YEATS2: variants seen among roughly 807,000 people sequenced by gnomAD.
YEATS2 encodes the protein YEATS domain containing 2, also known as YEATS domain-containing protein 2.
Under a neutral mutation model 163.2 loss-of-function variants are expected in YEATS2, and 77 were observed. The ratio of observed to expected loss-of-function variants is 0.47; its 90% CI spans 0.39 to 0.57. The LOEUF is 0.57. YEATS2 is among the 20% of genes least tolerant of loss of function. The probability of loss-of-function intolerance (pLI) is 0.00; values close to 1 mark genes in which losing one functional copy is unlikely to be tolerated. For missense variants in YEATS2, 1,549 were observed against 1,729.8 expected (o/e 0.90, Z 1.85); for synonymous variants, 631 against 645.1 (o/e 0.98, Z 0.33).
At chr3:183,698,457 G>A (rs1012525946) in intron 1 of YEATS2, among the ~76,000 whole-genome samples, 1 of 152,206 alleles carries the variant, frequency 6.6e-6, no homozygotes, top group African/African-American at 2.4e-5. Context: ...CAGGGATGGG[G>A]CCGGGGCCAA....
At chr3:183,749,603 G>A (rs1008141746) in intron 9 of YEATS2, among the ~76,000 whole-genome samples, 1 of 152,020 alleles carries the variant, frequency 6.6e-6, no homozygotes, top group Non-Finnish European at 1.5e-5. Flanking sequence ...ATGTTGTAGC[G>A]TATGTCAGAA....
chr3:183,803,155 A>C, intron 25 of YEATS2, 101 bp from the exon 26 acceptor site: 1 of 1,238,552 alleles, frequency 8.1e-7, no homozygotes, highest in Admixed American at 2.0e-5. Context: ...CATACATGCG[A>C]TAAAGAGGTC....
chr3:183,788,368 A>C (rs1314357401), intron 20 of YEATS2, among the ~76,000 whole-genome samples: 1 of 152,020 alleles, frequency 6.6e-6, no homozygotes, highest in African/African-American at 2.4e-5. Flanking sequence ...CAGTTGTTTT[A>C]ATTGTTAGCT....
Position 183,756,469 on chromosome 3 carries a change from C to T in YEATS2, c.1391-59C>T, listed in dbSNP as rs1373485560. The T allele has an allele frequency of 3.5e-6, 5 of 1,444,878 alleles. No individual in the cohort carries two copies. The African/African-American group carries it at 7.2e-5, about 21-fold the overall frequency. 89.5% of individuals were successfully genotyped at this position (1,444,878 alleles called of 1,614,324 possible). A position where few individuals can be genotyped will look rare whatever the true frequency, so the allele number is the denominator to read the frequency against. ...TGACCTTCTTCCTTGTCCTCGACATCTTCTTACGTGAGTTGAATATGTGTA... is the reference window on the plus strand; with the variant it reads ...TGACCTTCTTCCTTGTCCTCGACATTTTCTTACGTGAGTTGAATATGTGTA... On this transcript the variant is annotated intron_variant, in intron 11 of 30. Coordinates refer to ENST00000305135, the MANE Select transcript of YEATS2 (RefSeq NM_018023.5).
chr3:183,755,964 TCGAA>T (rs1199632609), intron 11 of YEATS2, among the ~76,000 whole-genome samples: 2 of 152,076 alleles, frequency 1.3e-5, no homozygotes, highest in Admixed American at 6.6e-5. Flanking sequence ...CAGGCTGGTC[TCGAA>T]CTCACAACCT....
chr3:183,733,363 A>G (rs941740475), intron 7 of YEATS2, among the ~76,000 whole-genome samples: 1 of 152,118 alleles, frequency 6.6e-6, no homozygotes, highest in African/African-American at 2.4e-5. Flanking sequence ...TCTCATCCAT[A>G]TTTGTTTCAG....
At chr3:183,715,588 T>G (rs887254540) in intron 2 of YEATS2, among the ~76,000 whole-genome samples, 4 of 152,208 alleles carry the variant, frequency 2.6e-5, no homozygotes, top group Admixed American at 2.0e-4. Context: ...AGATGGTACA[T>G]GGATTAAGGT....
At chr3:183,744,370 G>A (rs2109229260) in intron 8 of YEATS2, among the ~76,000 whole-genome samples, 1 of 152,032 alleles carries the variant, frequency 6.6e-6, no homozygotes, top group South Asian at 2.1e-4. Context: ...ACCCACCTTG[G>A]CCTCCCAAAG....
chr3:183,805,433 C>G (rs1420492731), intron 27 of YEATS2, among the ~76,000 whole-genome samples: 1 of 151,980 alleles, frequency 6.6e-6, no homozygotes, highest in Non-Finnish European at 1.5e-5. Context: ...TCTCTGCCCC[C>G]AGCCCCATTT....
intron 1 of YEATS2, among the ~76,000 whole-genome samples, chr3:183,712,763 A>ATT (rs1715402164): frequency 7.9e-6 from 1 of 126,414 alleles, no homozygotes. Context: ...TACTAATACA[A>ATT]ATTTTTTTTT....
intron 1 of YEATS2, among the ~76,000 whole-genome samples, chr3:183,701,711 T>TAAA (rs1240018326): frequency 6.6e-6 from 1 of 152,166 alleles, no homozygotes; most frequent in Non-Finnish European, 1.5e-5. Flanking sequence ...CAGTACCTTT[T>TAAA]AAGTTAAGTG....
intron 30 of YEATS2, chr3:183,810,132 A>T (rs1726648136): frequency 9.5e-6 from 2 of 211,034 alleles, no homozygotes; most frequent in Admixed American, 5.6e-5. Context: ...GAGATGGGAA[A>T]TAAGGTCCCA....
In YEATS2 at chr3:183,727,863, G is replaced by T. The variant is rs1035808612; in HGVS notation, c.651-827G>T. Among the ~76,000 whole-genome samples, 4 of 152,096 alleles carry T rather than the reference G, an allele frequency of 2.6e-5. No homozygotes were observed. In the East Asian group the frequency reaches 7.7e-4, roughly 29 times the overall value. ...CCTGAAACCTGAATGAAATCAACCC[G>T]AAGGCTAGAGCTTCCCTAACCTAGG... On this transcript the variant is annotated intron_variant, in intron 6 of 30. Transcript: ENST00000305135.
intron 8 of YEATS2, among the ~76,000 whole-genome samples, chr3:183,741,173 A>C (rs562086806): frequency 6.6e-6 from 1 of 151,906 alleles, no homozygotes; most frequent in Non-Finnish European, 1.5e-5. Flanking sequence ...TCCTGAACTC[A>C]AGTGATCCAC....
intron 19 of YEATS2, among the ~76,000 whole-genome samples, chr3:183,778,504 G>A (rs1723238106): frequency 6.6e-6 from 1 of 152,196 alleles, no homozygotes; most frequent in Admixed American, 6.5e-5. Flanking sequence ...TTACAGGCAT[G>A]CACCACCATG....
chr3:183,737,420 T>C (rs566038802), intron 8 of YEATS2, among the ~76,000 whole-genome samples: 2 of 152,340 alleles, frequency 1.3e-5, no homozygotes, highest in Non-Finnish European at 2.9e-5. Flanking sequence ...TGTCCTCTGA[T>C]GCAACCATCA....
At chr3:183,702,102 T>C (rs1007327435) in intron 1 of YEATS2, among the ~76,000 whole-genome samples, 17 of 152,130 alleles carry the variant, frequency 1.1e-4, no homozygotes, top group Admixed American at 1.1e-3. Context: ...ACTCCAGCCT[T>C]CGAAAGCTTT....
intron 1 of YEATS2, among the ~76,000 whole-genome samples, chr3:183,704,477 CTTT>C (rs1490465691): frequency 5.3e-5 from 8 of 151,984 alleles, no homozygotes; most frequent in African/African-American, 1.9e-4. Flanking sequence ...TTAATTTCTT[CTTT>C]GAGTCATGAG....
chr3:183,754,141 C>T lies in YEATS2; in HGVS notation c.1166C>T (p.Thr389Ile). 6.3e-7 allele frequency: 1 copy of T among 1,580,928 alleles called. No individual in the cohort carries two copies. The change falls in exon 11 of 31, where the codon ACT (threonine) becomes ATT (isoleucine). Residue 389 changes from threonine (T) to isoleucine (I), a missense_variant. Coordinates refer to ENST00000305135, the MANE Select transcript of YEATS2 (RefSeq NM_018023.5). ...TCTCAAGCAGGATTCCCAGCTAGCA[C>T]TGAAGCTGAACGACACACTCCGTTT... ...TSVEKGFPAS[T>I]EAERHTPFYA...
Sources: allele counts gnomAD v4.1 joint callset (sites outside exome capture counted in the v4.1 genomes callset), GRCh38; gene constraint gnomAD v4.1.1; transcripts MANE v1.5; gene names NCBI Gene and HGNC (gene_info 2026-07-23, HGNC 2026-07-21).